The following ABHD6 variants were observed in gnomAD, a reference collection of about 807,000 sequenced individuals.
The protein encoded by ABHD6 is abhydrolase domain containing 6, acylglycerol lipase, also known as monoacylglycerol lipase ABHD6.
ABHD6 carries 33 observed loss-of-function variants against 38.8 expected under a neutral mutation model. The ratio of observed to expected loss-of-function variants is 0.85; its 90% CI spans 0.64 to 1.14. ABHD6 has a LOEUF of 1.14. Among genes scored for constraint, ABHD6 ranks in the 50% most tolerant of loss-of-function variants. The pLI, the probability that ABHD6 is intolerant of heterozygous loss-of-function variation, is 0.00. For missense variants in ABHD6, 380 were observed against 422.6 expected (o/e 0.90, Z 0.88); for synonymous variants, 147 against 161.6 (o/e 0.91, Z 0.69).
intron 9 of ABHD6, among the ~76,000 whole-genome samples, chr3:58,292,371 T>A (rs2107485600): frequency 6.6e-6 from 1 of 152,180 alleles, no homozygotes; most frequent in South Asian, 2.1e-4. Flanking sequence ...TTGTCTAGGA[T>A]GAATTGAAGG....
chr3:58,240,490 A>C (rs917696553), intron 1 of ABHD6, among the ~76,000 whole-genome samples: 2 of 152,162 alleles, frequency 1.3e-5, no homozygotes, highest in African/African-American at 4.8e-5. Flanking sequence ...AAAGCTAAAT[A>C]TTTGGAAGAT....
Position 58,265,862 on chromosome 3 carries a change from A to T in ABHD6, c.120-1327A>T, listed in dbSNP as rs1170032264. 6.6e-6 allele frequency among the ~76,000 whole-genome samples: 1 copy of T among 152,122 alleles called. No homozygotes were observed. The highest frequency in any genetic ancestry group is 2.1e-4 in the South Asian group (1 of 4,828). ...CCAGACTCACTTTTATCAGGAATCT[A>T]CTCCCTCAATAATAGCATTAATCTA... On this transcript the variant is annotated intron_variant, in intron 3 of 9. Transcript: ENST00000478253. The surrounding 1 kb of genome is among the most constrained non-coding windows in gnomAD (Gnocchi z 4.2).
Position 58,266,865 on chromosome 3 carries a change from C to T in ABHD6, c.120-324C>T, listed in dbSNP as rs2097441350. ...ATGGTTCTCAAGAAATAAGTTATCA[C>T]TCTCAAAGTCTCTAGAAAGACATAT... On this transcript the variant is annotated intron_variant, in intron 3 of 9. Transcript: ENST00000478253. The surrounding 1 kb of genome is among the most constrained non-coding windows in gnomAD (Gnocchi z 4.0). 6.6e-6 allele frequency among the ~76,000 whole-genome samples: 1 copy of T among 152,226 alleles called. No homozygotes were observed. The highest frequency in any genetic ancestry group is 2.1e-4 in the South Asian group (1 of 4,834).
At chr3:58,249,113 G>A (rs2097428329) in intron 1 of ABHD6, among the ~76,000 whole-genome samples, 2 of 152,104 alleles carry the variant, frequency 1.3e-5, no homozygotes, top group Non-Finnish European at 1.5e-5. Context: ...TCTCTATTAT[G>A]TATTTACAAA....
In ABHD6 at chr3:58,287,668, A is replaced by G. The variant is rs917211360; in HGVS notation, c.837+2215A>G. On this transcript the variant is annotated intron_variant, in intron 9 of 9. Coordinates refer to ENST00000478253, the MANE Select transcript of ABHD6 (RefSeq NM_001320126.2). The surrounding 1 kb of genome is among the most constrained non-coding windows in gnomAD (Gnocchi z 4.7). ...AGCAGCGAAGGCCTTCTGTTGTTCT[A>G]AAAACCCCAAAGGTGATTTGGGGCT... 6.6e-6 allele frequency among the ~76,000 whole-genome samples: 1 copy of G among 152,192 alleles called. No individual in the cohort carries two copies. The highest frequency in any genetic ancestry group is 6.5e-5 in the Admixed American group (1 of 15,286).
At chr3:58,274,548 A>G (rs2097447366) in intron 6 of ABHD6, 110 bp from the exon 7 acceptor site, 9 of 1,196,392 alleles carry the variant, frequency 7.5e-6, no homozygotes, top group Non-Finnish European at 9.3e-6. Flanking sequence ...TACTCATGAA[A>G]TAAACCTGAA....
At position 58,251,143 on chromosome 3, in the gene ABHD6, C is replaced by G. The variant is rs1246362656; in HGVS notation, c.-26+1201C>G. Among the ~76,000 whole-genome samples the G allele has an allele frequency of 6.6e-6, 1 of 151,928 alleles. No homozygotes were observed. The highest frequency in any genetic ancestry group is 1.5e-5 in the Non-Finnish European group (1 of 67,984). On this transcript the variant is annotated intron_variant, in intron 2 of 9. Coordinates refer to ENST00000478253, the MANE Select transcript of ABHD6 (RefSeq NM_001320126.2). The surrounding 1 kb of genome is among the most constrained non-coding windows in gnomAD (Gnocchi z 5.4). The stretch of plus-strand genomic sequence containing the variant: ...CGAGACCAGCCCAGCATGGTGAAAC[C>G]CTGTCTCTACTAAAAAGACAAAAAT...
chr3:58,275,135 G>A (rs2097447853), intron 7 of ABHD6, among the ~76,000 whole-genome samples: 1 of 152,122 alleles, frequency 6.6e-6, no homozygotes, highest in African/African-American at 2.4e-5. Context: ...CGGGGAGGCA[G>A]GGGTGGCTTT....
chr3:58,240,310 C>A (rs2097421923), intron 1 of ABHD6, among the ~76,000 whole-genome samples: 1 of 151,868 alleles, frequency 6.6e-6, no homozygotes, highest in African/African-American at 2.4e-5. Context: ...AACTCTTGGG[C>A]TCAAGTGATT....
At chr3:58,272,554 C>T (rs761807392) in intron 6 of ABHD6, among the ~76,000 whole-genome samples, 1 of 152,050 alleles carries the variant, frequency 6.6e-6, no homozygotes, top group Non-Finnish European at 1.5e-5. Context: ...AGGGTCTTCT[C>T]CTCTCTTTTT....
At chr3:58,274,091 A>AG (rs901558367) in intron 6 of ABHD6, among the ~76,000 whole-genome samples, 4 of 152,170 alleles carry the variant, frequency 2.6e-5, no homozygotes, top group Non-Finnish European at 5.9e-5. Context: ...AGAAGGCAGC[A>AG]GGGTTGCTGC....
intron 1 of ABHD6, among the ~76,000 whole-genome samples, chr3:58,242,873 C>G (rs1247023217): frequency 6.6e-6 from 1 of 152,100 alleles, no homozygotes; most frequent in Non-Finnish European, 1.5e-5. Context: ...CCTCCCCCAT[C>G]CCCCTGCCCC....
intron 9 of ABHD6, among the ~76,000 whole-genome samples, chr3:58,290,534 C>T (rs1482357921): frequency 2.9e-5 from 4 of 138,982 alleles, no homozygotes; most frequent in Admixed American, 7.1e-5. Context: ...CCCCACCTCC[C>T]TCCCGGACGG....
chr3:58,286,850 GTGTATA>G (rs1311041051), intron 9 of ABHD6, among the ~76,000 whole-genome samples: 28 of 72,778 alleles, frequency 3.8e-4, no homozygotes, highest in East Asian at 1.2e-3. Flanking sequence ...GTGTGTGTGT[GTGTATA>G]TATATATATA....
rs2097441564 is a variant in ABHD6, at chr3:58,267,148, C to G, written c.120-41C>G. ...CCATCTTGAAGCCACTCATCTAGAG[C>G]TTACTGATTTCGTTTTGTCTTTATT... On this transcript the variant is annotated intron_variant, in intron 3 of 9. Transcript: ENST00000478253. This position sits in a 1 kb window ranked among gnomAD's most constrained non-coding sequence, Gnocchi z 4.3. 1 of 1,607,458 alleles carries G rather than the reference C, an allele frequency of 6.2e-7. No homozygotes were observed. Among genetic ancestry groups the G allele is most frequent in the Non-Finnish European group, 8.5e-7 (1 of 1,176,322 alleles).
At chr3:58,242,788 T>C (rs906821892) in intron 1 of ABHD6, among the ~76,000 whole-genome samples, 17 of 152,196 alleles carry the variant, frequency 1.1e-4, no homozygotes, top group Admixed American at 7.2e-4. Context: ...TTGTTACATA[T>C]GTATACATGT....
chr3:58,262,322 A>C (rs542546852), intron 3 of ABHD6, among the ~76,000 whole-genome samples: 2 of 152,312 alleles, frequency 1.3e-5, no homozygotes, highest in African/African-American at 4.8e-5. Context: ...TGTTTATGTT[A>C]TGTCTGTTTT....
Position 58,293,093 on chromosome 3 carries a change from C to G in ABHD6, c.838-496C>G, listed in dbSNP as rs1448803780. 1.3e-5 allele frequency among the ~76,000 whole-genome samples: 2 copies of G among 152,094 alleles called. No homozygotes were observed. The highest frequency in any genetic ancestry group is 2.9e-5 in the Non-Finnish European group (2 of 68,030). On this transcript the variant is annotated intron_variant, in intron 9 of 9. Coordinates refer to ENST00000478253, the MANE Select transcript of ABHD6 (RefSeq NM_001320126.2). The surrounding 1 kb of genome is among the most constrained non-coding windows in gnomAD (Gnocchi z 4.4). ...TAGGAGCAGCGCCCTCCTCTCTGCC[C>G]CTTCTCCCCACCATGCCACCCCCAC...
Position 58,293,559 on chromosome 3 carries a change from T to G in ABHD6, c.838-30T>G, listed in dbSNP as rs777490534. 1 of 1,610,342 alleles carries G rather than the reference T, an allele frequency of 6.2e-7. No homozygotes were observed. Among genetic ancestry groups the G allele is most frequent in the Non-Finnish European group, 8.5e-7 (1 of 1,177,652 alleles). ...ACACGTGGGTGTCTGAATCTTTGTG[T>G]ATCATCCAGCTCCCTTTCTTGCCCA... On this transcript the variant is annotated intron_variant, in intron 9 of 9. Coordinates refer to ENST00000478253, the MANE Select transcript of ABHD6 (RefSeq NM_001320126.2). The surrounding 1 kb of genome is among the most constrained non-coding windows in gnomAD (Gnocchi z 4.4).
Sources: allele counts gnomAD v4.1 joint callset (sites outside exome capture counted in the v4.1 genomes callset), GRCh38; gene constraint gnomAD v4.1.1; non-coding constraint Gnocchi (gnomAD v3.1); transcripts MANE v1.5; gene names NCBI Gene and HGNC (gene_info 2026-07-23, HGNC 2026-07-21).